TTC29: variants seen among roughly 807,000 people sequenced by gnomAD.
TTC29 encodes the protein tetratricopeptide repeat protein 29.
Under a neutral mutation model 58.1 loss-of-function variants are expected in TTC29, and 49 were observed. That is an observed-to-expected ratio of 0.84 (90% CI 0.67 to 1.07). TTC29 has a LOEUF of 1.07. TTC29 is among the 50% of genes least tolerant of loss of function. The pLI, the probability that TTC29 is intolerant of heterozygous loss-of-function variation, is 0.00. For synonymous variants in TTC29, 209 were observed against 196.8 expected (o/e 1.06, Z -0.52); for missense variants, 582 against 555.6 (o/e 1.05, Z -0.48).
intron 11 of TTC29, among the ~76,000 whole-genome samples, chr4:146,786,107 A>C (rs1404838585): frequency 6.6e-6 from 1 of 152,134 alleles, no homozygotes; most frequent in African/African-American, 2.4e-5. Context: ...TAGTAGTGTA[A>C]ATGCTTGCTG....
At chr4:146,757,630 C>T (rs972815362) in intron 11 of TTC29, among the ~76,000 whole-genome samples, 7 of 152,054 alleles carry the variant, frequency 4.6e-5, no homozygotes, top group African/African-American at 1.7e-4. Context: ...CAGCAGAAAC[C>T]CTAAAAGCTA....
At chr4:146,756,396 A>G (rs2150055417) in intron 11 of TTC29, among the ~76,000 whole-genome samples, 1 of 152,292 alleles carries the variant, frequency 6.6e-6, no homozygotes, top group African/African-American at 2.4e-5. Flanking sequence ...TATGAATGAC[A>G]TTAGCAAAAA....
chr4:146,809,991 T>C (rs1400445771), intron 10 of TTC29, among the ~76,000 whole-genome samples: 2 of 152,098 alleles, frequency 1.3e-5, no homozygotes, highest in East Asian at 1.9e-4. Flanking sequence ...CTGTTCACAA[T>C]AGCAAAGACT....
intron 11 of TTC29, among the ~76,000 whole-genome samples, chr4:146,727,103 TTG>T (rs895815445): frequency 2.6e-5 from 4 of 151,358 alleles, no homozygotes; most frequent in South Asian, 2.1e-4. Flanking sequence ...TAATATAAAT[TTG>T]TGTTTTATAT....
intron 4 of TTC29, among the ~76,000 whole-genome samples, chr4:146,937,111 T>C (rs913135365): frequency 2.6e-5 from 4 of 152,044 alleles, no homozygotes; most frequent in Admixed American, 6.6e-5. Flanking sequence ...ATCTAAAAAA[T>C]AAATCTAGAC....
At chr4:146,853,897 C>T (rs1453146724) in intron 8 of TTC29, among the ~76,000 whole-genome samples, 1 of 152,088 alleles carries the variant, frequency 6.6e-6, no homozygotes, top group Non-Finnish European at 1.5e-5. Context: ...CCAAGGGCTA[C>T]TCAGGCCAGC....
In TTC29 at chr4:146,935,177, T is replaced by C. The variant is rs572500627; in HGVS notation, c.176+2417A>G. 2.0e-5 allele frequency among the ~76,000 whole-genome samples: 3 copies of C among 152,088 alleles called. No homozygotes were observed. In the South Asian group the frequency reaches 6.2e-4, roughly 32 times the overall value. The stretch of plus-strand genomic sequence containing the variant: ...ATGCAGAGCACAAGCAGAGGGACCA[T>C]GCTTAGATGACAGTAGGAACTCTCC... On this transcript the variant is annotated intron_variant, in intron 4 of 12. Transcript: ENST00000325106.
intron 11 of TTC29, among the ~76,000 whole-genome samples, chr4:146,781,360 G>T (rs954075914): frequency 3.3e-5 from 5 of 151,826 alleles, no homozygotes; most frequent in Non-Finnish European, 5.9e-5. Flanking sequence ...CTAGAGAAGG[G>T]ATTAAGAGAC....
At chr4:146,784,948 G>A (rs1016758815) in intron 11 of TTC29, among the ~76,000 whole-genome samples, 4 of 151,914 alleles carry the variant, frequency 2.6e-5, no homozygotes, top group African/African-American at 9.7e-5. Flanking sequence ...TCTTTTCTTG[G>A]TGGCTGGAGA....
intron 11 of TTC29, among the ~76,000 whole-genome samples, chr4:146,733,317 T>A (rs910623019): frequency 6.6e-6 from 1 of 152,134 alleles, no homozygotes; most frequent in African/African-American, 2.4e-5. Flanking sequence ...GCTAAAGAAT[T>A]TAGCATAATA....
Position 146,941,976 on chromosome 4 carries a change from A to G in TTC29, c.-6-2075T>C, listed in dbSNP as rs776584999. On this transcript the variant is annotated intron_variant, in intron 2 of 12. Transcript: ENST00000325106. ...TAAGACACAATATTCCTCTAGTGCTACAAAGCCATGGTGGAGGTAGGGGTG... is the reference window on the plus strand; with the variant it reads ...TAAGACACAATATTCCTCTAGTGCTGCAAAGCCATGGTGGAGGTAGGGGTG... 1.8e-4 allele frequency among the ~76,000 whole-genome samples: 27 copies of G among 152,214 alleles called. 1 individual carries two copies. The highest frequency in any genetic ancestry group is 2.7e-4 in the African/African-American group (11 of 41,462).
intron 11 of TTC29, among the ~76,000 whole-genome samples, chr4:146,756,983 G>A (rs1746501464): frequency 6.6e-6 from 1 of 151,802 alleles, no homozygotes. Flanking sequence ...CCTTTCTCTG[G>A]TCCCCCAGTG....
At chr4:146,876,065 C>A (rs1299578975) in intron 6 of TTC29, among the ~76,000 whole-genome samples, 2 of 152,188 alleles carry the variant, frequency 1.3e-5, no homozygotes, top group Non-Finnish European at 2.9e-5. Context: ...GGGCTCCGAG[C>A]AGACAGCCTG....
chr4:146,943,932 G>C (rs11722659), intron 2 of TTC29, among the ~76,000 whole-genome samples: 16,614 of 152,158 alleles, frequency 0.11, 1,004 homozygotes, highest in East Asian at 0.18. Context: ...TGAGGTGACT[G>C]ACCCAGGCCT....
intron 11 of TTC29, among the ~76,000 whole-genome samples, chr4:146,762,346 CTTT>C (rs34223852): frequency 7.3e-6 from 1 of 136,714 alleles, no homozygotes; most frequent in African/African-American, 2.7e-5. Context: ...AGTGTAATTT[CTTT>C]TTTTTTTTTT....
At chr4:146,780,970 A>C (rs1361028194) in intron 11 of TTC29, among the ~76,000 whole-genome samples, 1 of 152,188 alleles carries the variant, frequency 6.6e-6, no homozygotes, top group East Asian at 1.9e-4. Flanking sequence ...TAAAATGGTT[A>C]GATAAATTTC....
chr4:146,711,491 T>C (rs1229327629), intron 11 of TTC29, among the ~76,000 whole-genome samples: 1 of 152,190 alleles, frequency 6.6e-6, no homozygotes, highest in Non-Finnish European at 1.5e-5. Context: ...GTCAAAAAGT[T>C]GATCACCTAA....
intron 8 of TTC29, among the ~76,000 whole-genome samples, chr4:146,849,067 T>G (rs1729355422): frequency 6.6e-6 from 1 of 152,074 alleles, no homozygotes; most frequent in African/African-American, 2.4e-5. Context: ...CCTGCTGCCC[T>G]CAGTATGCCT....
At chr4:146,854,339 C>A (rs1729701778) in intron 8 of TTC29, among the ~76,000 whole-genome samples, 1 of 152,092 alleles carries the variant, frequency 6.6e-6, no homozygotes, top group South Asian at 2.1e-4. Context: ...GCCTTGTAAG[C>A]TTTTATGAAA....
Sources: gnomAD v4.1 joint callset for allele counts (sites outside exome capture counted in the v4.1 genomes callset) on GRCh38, gnomAD v4.1.1 for gene constraint, MANE v1.5 for transcripts, NCBI Gene and HGNC (gene_info 2026-07-23, HGNC 2026-07-21) for gene names.